The following FSTL5 variants were observed in gnomAD, a reference collection of about 807,000 sequenced individuals.
FSTL5 encodes follistatin-related protein 5.
A neutral mutation model predicts 89.1 loss-of-function variants in FSTL5; 62 were observed. That is an observed-to-expected ratio of 0.70 (90% CI 0.57 to 0.86). FSTL5 has a LOEUF of 0.86. Among genes scored for constraint, FSTL5 ranks in the 40% least tolerant of loss-of-function variants. The pLI is 0.00. For synonymous variants in FSTL5, 383 were observed against 346.2 expected, an observed-to-expected ratio of 1.11 and a Z score of -1.18; for missense variants, 1,057 against 1,001.6, an observed-to-expected ratio of 1.06 and a Z score of -0.75.
At chr4:161,711,284 A>C (rs1738767090) in intron 6 of FSTL5, among the ~76,000 whole-genome samples, 1 of 151,990 alleles carries the variant, frequency 6.6e-6, no homozygotes, top group South Asian at 2.1e-4. Flanking sequence ...ACTTACCAAG[A>C]AAAAAAGAGA....
At chr4:161,894,984 C>T (rs1355021659) in intron 4 of FSTL5, among the ~76,000 whole-genome samples, 1 of 152,192 alleles carries the variant, frequency 6.6e-6, no homozygotes, top group African/African-American at 2.4e-5. Context: ...ACACATGCTA[C>T]TTATTATGTC....
rs1455393919 is a variant in FSTL5, at chr4:162,163,545, T to A, written c.-17+70A>T. ...TATAAAAATAAGCATAACTTGTTTT[T>A]AAATTTTTGTATGGCAGTCTGTATT... is the stretch of plus-strand genomic sequence containing the variant. On this transcript the variant is annotated intron_variant, in intron 1 of 15. Transcript: ENST00000306100. The A allele has an allele frequency of 2.7e-5, 4 of 150,816 alleles. No individual in the cohort carries two copies. The South Asian group carries it at 8.3e-4, about 31-fold the overall frequency. 9.3% of individuals were successfully genotyped at this position (150,816 alleles called of 1,614,324 possible).
At chr4:161,623,047 T>A (rs1578975622) in intron 7 of FSTL5, among the ~76,000 whole-genome samples, 1 of 152,186 alleles carries the variant, frequency 6.6e-6, no homozygotes, top group Middle Eastern at 3.4e-3. Flanking sequence ...CAATAACTGC[T>A]GAAAAAATTA....
chr4:162,143,764 T>C, intron 1 of FSTL5, among the ~76,000 whole-genome samples: 1 of 136,394 alleles, frequency 7.3e-6, no homozygotes, highest in Non-Finnish European at 1.6e-5. Context: ...GAAAAAAGGT[T>C]ACATTGTATC....
At chr4:161,717,024 T>G (rs367770196) in intron 6 of FSTL5, among the ~76,000 whole-genome samples, 64 of 152,306 alleles carry the variant, frequency 4.2e-4, no homozygotes, top group African/African-American at 1.5e-3. Flanking sequence ...ATACAAATAT[T>G]GTTGGTTTTT....
intron 10 of FSTL5, among the ~76,000 whole-genome samples, chr4:161,525,945 T>C (rs1731204397): frequency 6.6e-6 from 1 of 152,200 alleles, no homozygotes; most frequent in African/African-American, 2.4e-5. Flanking sequence ...TAATTCATAC[T>C]GATACTTCAT....
At chr4:162,071,892 T>A (rs755122697) in intron 2 of FSTL5, among the ~76,000 whole-genome samples, 3 of 151,840 alleles carry the variant, frequency 2.0e-5, no homozygotes, top group Non-Finnish European at 2.9e-5. Context: ...AACATGCTCC[T>A]TAATGATGAA....
intron 4 of FSTL5, among the ~76,000 whole-genome samples, chr4:161,902,873 T>C (rs1427753879): frequency 6.6e-6 from 1 of 152,004 alleles, no homozygotes; most frequent in Non-Finnish European, 1.5e-5. Flanking sequence ...AATAATAATT[T>C]CCAAAATAAA....
At chr4:161,736,280 C>A (rs1271009386) in intron 6 of FSTL5, among the ~76,000 whole-genome samples, 1 of 150,490 alleles carries the variant, frequency 6.6e-6, no homozygotes, top group Non-Finnish European at 1.5e-5. Flanking sequence ...TTTTTATCAC[C>A]ATTTTGTTTA....
At chr4:162,008,541 T>C (rs1736675137) in intron 3 of FSTL5, among the ~76,000 whole-genome samples, 1 of 151,888 alleles carries the variant, frequency 6.6e-6, no homozygotes. Context: ...TCATGCACCA[T>C]TCTCCTGAGG....
intron 4 of FSTL5, among the ~76,000 whole-genome samples, chr4:161,814,246 G>A (rs1231472750): frequency 1.3e-5 from 2 of 152,254 alleles, no homozygotes; most frequent in South Asian, 2.1e-4. Context: ...GCTGCTCTAT[G>A]AAAGTCTCAT....
chr4:162,103,917 C>A (rs373839634), intron 2 of FSTL5, among the ~76,000 whole-genome samples: 2 of 152,208 alleles, frequency 1.3e-5, no homozygotes, highest in African/African-American at 2.4e-5. Flanking sequence ...AGACAAGGAT[C>A]GGGATATAAA....
intron 2 of FSTL5, among the ~76,000 whole-genome samples, chr4:162,044,398 T>C (rs1328204505): frequency 6.6e-6 from 1 of 152,178 alleles, no homozygotes; most frequent in Non-Finnish European, 1.5e-5. Context: ...AAATATTCAG[T>C]AAACCATGCG....
At chr4:161,966,227 T>G (rs1186848919) in intron 3 of FSTL5, among the ~76,000 whole-genome samples, 1 of 152,110 alleles carries the variant, frequency 6.6e-6, no homozygotes, top group Admixed American at 6.6e-5. Flanking sequence ...CAGTTCATAC[T>G]GAAGCTTGGC....
chr4:161,726,006 A>G (rs1052186646), intron 6 of FSTL5, among the ~76,000 whole-genome samples: 1 of 152,136 alleles, frequency 6.6e-6, no homozygotes, highest in African/African-American at 2.4e-5. Context: ...CTAAAGAAAG[A>G]GGAACGCTAA....
At chr4:161,931,394 G>A (rs1334084539) in intron 3 of FSTL5, among the ~76,000 whole-genome samples, 2 of 151,864 alleles carry the variant, frequency 1.3e-5, no homozygotes, top group East Asian at 1.9e-4. Context: ...TATAGTATAA[G>A]TTGGAAAGAG....
chr4:161,523,767 T>C (rs908337386), intron 10 of FSTL5, among the ~76,000 whole-genome samples: 4 of 152,202 alleles, frequency 2.6e-5, no homozygotes, highest in Non-Finnish European at 5.9e-5. Flanking sequence ...GAATTGGAAT[T>C]TGAATTAAAC....
At chr4:161,762,394 T>G (rs770383091) in intron 5 of FSTL5, among the ~76,000 whole-genome samples, 1 of 152,230 alleles carries the variant, frequency 6.6e-6, no homozygotes, top group Non-Finnish European at 1.5e-5. Flanking sequence ...AGGGCTCTGA[T>G]AGTTCCTTGC....
At chr4:161,814,359 A>C (rs1730261356) in intron 4 of FSTL5, among the ~76,000 whole-genome samples, 1 of 152,194 alleles carries the variant, frequency 6.6e-6, no homozygotes, top group Non-Finnish European at 1.5e-5. Context: ...TTCATGGAAC[A>C]AATACAGGGA....
Sources: allele counts gnomAD v4.1 joint callset (sites outside exome capture counted in the v4.1 genomes callset), GRCh38; gene constraint gnomAD v4.1.1; transcripts MANE v1.5; gene names NCBI Gene and HGNC (gene_info 2026-07-23, HGNC 2026-07-21).